The following CNTN5 variants were observed in gnomAD, a reference collection of about 807,000 sequenced individuals.
CNTN5 encodes the protein contactin 5.
A neutral mutation model predicts 129.1 loss-of-function variants in CNTN5; 77 were observed. The ratio of observed to expected loss-of-function variants is 0.60; its 90% confidence interval spans 0.50 to 0.72. The LOEUF is 0.72. Among genes scored for constraint, CNTN5 ranks in the 30% least tolerant of loss-of-function variants. CNTN5 has a pLI of 0.00. For missense variants in CNTN5, 1,478 were observed against 1,328.8 expected (o/e 1.11, Z -1.75); for synonymous variants, 509 against 465.6 (o/e 1.09, Z -1.20).
intron 1 of CNTN5, among the ~76,000 whole-genome samples, chr11:99,257,103 G>A (rs542585439): frequency 6.6e-6 from 1 of 152,084 alleles, no homozygotes. Context: ...GTTAGAGAAG[G>A]TGCACATGGT....
At chr11:99,383,836 C>T (rs1940754560) in intron 2 of CNTN5, among the ~76,000 whole-genome samples, 1 of 152,114 alleles carries the variant, frequency 6.6e-6, no homozygotes, top group African/African-American at 2.4e-5. Context: ...AGGGAAGCTA[C>T]TAGAGACACA....
intron 3 of CNTN5, among the ~76,000 whole-genome samples, chr11:99,578,902 C>T (rs951151476): frequency 6.6e-6 from 1 of 152,044 alleles, no homozygotes; most frequent in Non-Finnish European, 1.5e-5. Flanking sequence ...GAAGTCCTTG[C>T]CCATGCCTAT....
At chr11:99,884,178 C>T (rs967050140) in intron 6 of CNTN5, among the ~76,000 whole-genome samples, 4 of 151,942 alleles carry the variant, frequency 2.6e-5, no homozygotes, top group African/African-American at 9.7e-5. Context: ...TAAAAGTTAA[C>T]ATGAACTATA....
At chr11:99,596,444 A>T (rs575432449) in intron 3 of CNTN5, among the ~76,000 whole-genome samples, 1 of 152,150 alleles carries the variant, frequency 6.6e-6, no homozygotes, top group East Asian at 1.9e-4. Flanking sequence ...TCTTATGTGA[A>T]TCTCTTATTT....
intron 9 of CNTN5, among the ~76,000 whole-genome samples, chr11:100,019,592 G>A (rs1201658192): frequency 6.6e-6 from 1 of 151,746 alleles, no homozygotes; most frequent in Admixed American, 6.6e-5. Context: ...CTGTTTATTT[G>A]TTGATGGACT....
At chr11:100,085,948 G>C (rs1860799790) in intron 13 of CNTN5, among the ~76,000 whole-genome samples, 1 of 152,024 alleles carries the variant, frequency 6.6e-6, no homozygotes, top group African/African-American at 2.4e-5. Flanking sequence ...GAGGGACAGA[G>C]TATATTTTAG....
At chr11:100,353,208 G>A (rs949321684) in intron 24 of CNTN5, among the ~76,000 whole-genome samples, 1 of 151,494 alleles carries the variant, frequency 6.6e-6, no homozygotes, top group African/African-American at 2.4e-5. Flanking sequence ...TTTGGGCAGT[G>A]CAACCCACTT....
At chr11:99,788,450 CATTA>C (rs1565533336) in intron 3 of CNTN5, among the ~76,000 whole-genome samples, 1 of 151,876 alleles carries the variant, frequency 6.6e-6, no homozygotes, top group African/African-American at 2.4e-5. Context: ...AGAAACATCT[CATTA>C]ATTTATTGTG....
rs552009226 is a variant in CNTN5 at position 99,993,589 on chromosome 11, G to C, written c.878-8445G>C. The stretch of plus-strand genomic sequence containing the variant: ...CCCTTGCATGCACAGTTCACAACAG[G>C]GTGCAAACTCCTGTGAGAATCTAAT... On this transcript the variant is annotated intron_variant, in intron 8 of 24. Coordinates refer to ENST00000524871, the MANE Select transcript of CNTN5 (RefSeq NM_014361.4). 4.6e-5 allele frequency among the ~76,000 whole-genome samples: 7 copies of C among 152,146 alleles called. No homozygotes were observed. In the South Asian group the frequency reaches 1.5e-3, roughly 32 times the overall value.
chr11:99,442,579 CTTGA>C (rs1943880867), intron 2 of CNTN5, among the ~76,000 whole-genome samples: 1 of 152,102 alleles, frequency 6.6e-6, no homozygotes, highest in African/African-American at 2.4e-5. Flanking sequence ...TTATTTTAAT[CTTGA>C]TTATTTGGTG....
At chr11:99,529,407 C>A (rs2135463007) in intron 2 of CNTN5, among the ~76,000 whole-genome samples, 1 of 152,254 alleles carries the variant, frequency 6.6e-6, no homozygotes, top group African/African-American at 2.4e-5. Flanking sequence ...TACTTCATTT[C>A]CAAATAAAGA....
At chr11:99,979,239 G>A (rs1228822426) in intron 8 of CNTN5, among the ~76,000 whole-genome samples, 2 of 152,068 alleles carry the variant, frequency 1.3e-5, no homozygotes, top group Non-Finnish European at 2.9e-5. Context: ...CCTGTCAAAA[G>A]AAGTCATGCC....
chr11:99,068,430 A>G (rs1011117143), intron 1 of CNTN5, among the ~76,000 whole-genome samples: 3 of 152,186 alleles, frequency 2.0e-5, no homozygotes, highest in African/African-American at 7.2e-5. Context: ...TTCAATTCCT[A>G]GATGGTCTAG....
At chr11:99,565,751 T>A (rs1337801500) in intron 3 of CNTN5, among the ~76,000 whole-genome samples, 1 of 152,176 alleles carries the variant, frequency 6.6e-6, no homozygotes, top group East Asian at 1.9e-4. Context: ...TGTTAGGTAA[T>A]CATTCTCCCA....
chr11:100,122,909 A>G (rs4753969), intron 13 of CNTN5, among the ~76,000 whole-genome samples: 118,199 of 152,026 alleles, frequency 0.78, 46,515 homozygotes, highest in East Asian at 1. Context: ...TGTAAGCAAG[A>G]GATCAGTTCA....
At chr11:99,024,778 TTGTC>T (rs1404143312) in intron 1 of CNTN5, among the ~76,000 whole-genome samples, 6 of 149,534 alleles carry the variant, frequency 4.0e-5, no homozygotes, top group Non-Finnish European at 7.5e-5. Context: ...TAAATCAAGA[TTGTC>T]TGTTTTATGG....
intron 7 of CNTN5, among the ~76,000 whole-genome samples, chr11:99,919,603 A>G (rs995908503): frequency 2.6e-5 from 4 of 151,998 alleles, no homozygotes; most frequent in African/African-American, 4.8e-5. Flanking sequence ...ATTGACATGC[A>G]ATTTTTATCC....
At chr11:100,206,118 G>T (rs1044815951) in intron 15 of CNTN5, among the ~76,000 whole-genome samples, 1 of 152,076 alleles carries the variant, frequency 6.6e-6, no homozygotes, top group Non-Finnish European at 1.5e-5. Flanking sequence ...TCAGGAAGCT[G>T]AGTCAAAGGT....
chr11:99,822,051 A>G (rs1946818107), intron 4 of CNTN5, among the ~76,000 whole-genome samples: 1 of 152,134 alleles, frequency 6.6e-6, no homozygotes, highest in Admixed American at 6.6e-5. Flanking sequence ...GGCTTTTGTC[A>G]GGTAATTCCC....
Sources: allele counts gnomAD v4.1 joint callset (sites outside exome capture counted in the v4.1 genomes callset), GRCh38; gene constraint gnomAD v4.1.1; transcripts MANE v1.5; gene names NCBI Gene and HGNC (gene_info 2026-07-23, HGNC 2026-07-21).